The following DLGAP2 variants were observed in gnomAD, a reference collection of about 807,000 sequenced individuals.
DLGAP2 encodes the protein disks large-associated protein 2.
A neutral mutation model predicts 100.3 loss-of-function variants in DLGAP2; 26 were observed. The ratio of observed to expected loss-of-function variants is 0.26; its 90% confidence interval spans 0.19 to 0.36. DLGAP2 has a LOEUF of 0.36. DLGAP2 is among the 10% of genes least tolerant of loss of function. DLGAP2 has a pLI of 1.00. For missense variants in DLGAP2, 1,858 were observed against 1,453.2 expected (o/e 1.28, Z -4.53); for synonymous variants, 886 against 630.1 (o/e 1.41, Z -6.08).
At chr8:1,684,498 C>G (rs1158710682) in intron 12 of DLGAP2, among the ~76,000 whole-genome samples, 1 of 151,986 alleles carries the variant, frequency 6.6e-6, no homozygotes, top group East Asian at 1.9e-4. Flanking sequence ...ACTCTGATCT[C>G]TGAATATTGA....
At chr8:1,496,377 G>A (rs1463953434) in intron 3 of DLGAP2, among the ~76,000 whole-genome samples, 6 of 152,078 alleles carry the variant, frequency 3.9e-5, no homozygotes, top group Admixed American at 2.6e-4. Flanking sequence ...CTGAGTATGC[G>A]CTCTGCCTCT....
intron 1 of DLGAP2, among the ~76,000 whole-genome samples, chr8:791,250 T>C (rs1822019127): frequency 6.6e-6 from 1 of 152,232 alleles, no homozygotes; most frequent in South Asian, 2.1e-4. Flanking sequence ...TCCACCATGT[T>C]TTCTGAGTGA....
intron 1 of DLGAP2, among the ~76,000 whole-genome samples, chr8:859,459 G>A (rs1797348034): frequency 6.6e-6 from 1 of 152,164 alleles, no homozygotes; most frequent in Non-Finnish European, 1.5e-5. Flanking sequence ...GTTTAGGGAA[G>A]AGAGGGTGCC....
At chr8:849,025 A>G (rs1171044744) in intron 1 of DLGAP2, among the ~76,000 whole-genome samples, 4 of 149,402 alleles carry the variant, frequency 2.7e-5, no homozygotes, top group East Asian at 4.1e-4. Context: ...CCAGTATAGG[A>G]ATGTGCGGTG....
chr8:1,080,585 A>C (rs998035337), intron 2 of DLGAP2, among the ~76,000 whole-genome samples: 6 of 152,138 alleles, frequency 3.9e-5, no homozygotes, highest in African/African-American at 1.2e-4. Context: ...GCAGGGACAC[A>C]GAGCTCCTAG....
chr8:1,221,849 C>G (rs1002252295), intron 2 of DLGAP2, among the ~76,000 whole-genome samples: 6 of 152,144 alleles, frequency 3.9e-5, no homozygotes, highest in African/African-American at 1.4e-4. Context: ...AAGGAGTGGT[C>G]TTTGAGCTCA....
chr8:1,468,235 G>A (rs887210693), intron 3 of DLGAP2, among the ~76,000 whole-genome samples: 7 of 150,650 alleles, frequency 4.6e-5, no homozygotes, highest in Non-Finnish European at 8.9e-5. Context: ...AGCCTCGGTC[G>A]GTTCTGAGAA....
At chr8:1,095,309 A>G (rs1178106391) in intron 2 of DLGAP2, among the ~76,000 whole-genome samples, 1 of 152,044 alleles carries the variant, frequency 6.6e-6, no homozygotes, top group Non-Finnish European at 1.5e-5. Context: ...AATCTGCAGA[A>G]CCGCTCTCTC....
At chr8:1,591,129 C>T (rs1340584485) in intron 6 of DLGAP2, among the ~76,000 whole-genome samples, 2 of 152,336 alleles carry the variant, frequency 1.3e-5, no homozygotes, top group African/African-American at 2.4e-5. Flanking sequence ...CCCATGAAGA[C>T]ACCAGCCCTT....
intron 2 of DLGAP2, among the ~76,000 whole-genome samples, chr8:1,212,782 G>T (rs1232131561): frequency 1.0e-5 from 1 of 99,340 alleles, no homozygotes; most frequent in Non-Finnish European, 1.9e-5. Flanking sequence ...CACCCCCCAT[G>T]ATTAGCATTT....
chr8:1,671,441 G>A (rs62483123), intron 10 of DLGAP2, among the ~76,000 whole-genome samples: 1 of 152,052 alleles, frequency 6.6e-6, no homozygotes, highest in African/African-American at 2.4e-5. Context: ...AATGAACAGC[G>A]TCCACGTCAC....
At chr8:843,683 G>A (rs67646850) in intron 1 of DLGAP2, among the ~76,000 whole-genome samples, 16,521 of 152,238 alleles carry the variant, frequency 0.11, 1,486 homozygotes, top group East Asian at 0.52. Context: ...GTTGCTTTGT[G>A]TGATGTGATG....
chr8:737,911 G>C, intron 1 of DLGAP2, 86 bp downstream of exon 1: 1 of 363,070 alleles, frequency 2.8e-6, no homozygotes, highest in Non-Finnish European at 4.9e-6. Flanking sequence ...TCGGACCCGC[G>C]GGGACGCCCC....
At chr8:936,233 C>A (rs1281401840) in intron 2 of DLGAP2, among the ~76,000 whole-genome samples, 1 of 152,118 alleles carries the variant, frequency 6.6e-6, no homozygotes, top group Non-Finnish European at 1.5e-5. Flanking sequence ...AGGGCCAGAG[C>A]AAGCAGCCTT....
In DLGAP2 at chr8:862,639, C is replaced by A. The variant is rs77351895; in HGVS notation, c.19-45273C>A. Among the ~76,000 whole-genome samples, 710 of 152,250 alleles carry A rather than the reference C, an allele frequency of 4.7e-3. 40 individuals are homozygous for A. The East Asian group carries it at 0.12, about 25-fold the overall frequency. ...AAATAACTGTGTGATCCTGGGAAAACCTCTTGACTCCACCATAGCCTCAGT... is the reference window on the plus strand; with the variant it reads ...AAATAACTGTGTGATCCTGGGAAAAACTCTTGACTCCACCATAGCCTCAGT... On this transcript the variant is annotated intron_variant, in intron 1 of 14. Coordinates refer to ENST00000637795, the MANE Select transcript of DLGAP2 (RefSeq NM_001346810.2).
chr8:851,239 G>C (rs1797177513), intron 1 of DLGAP2, among the ~76,000 whole-genome samples: 1 of 152,222 alleles, frequency 6.6e-6, no homozygotes, highest in African/African-American at 2.4e-5. Flanking sequence ...ATTCAACCCA[G>C]GGGTGTGGTA....
intron 2 of DLGAP2, among the ~76,000 whole-genome samples, chr8:1,128,486 C>T (rs866407591): frequency 6.6e-6 from 1 of 152,216 alleles, no homozygotes; most frequent in South Asian, 2.1e-4. Flanking sequence ...CACTGTGTTC[C>T]AGCTGCCTGC....
chr8:1,678,896 G>A (rs1490145442), intron 12 of DLGAP2: 8 of 393,008 alleles, frequency 2.0e-5, no homozygotes, highest in Non-Finnish European at 3.1e-5. Context: ...AGTTTTCTTG[G>A]GAGCATAGTT....
At chr8:1,442,898 A>C (rs1693973782) in intron 3 of DLGAP2, among the ~76,000 whole-genome samples, 1 of 152,262 alleles carries the variant, frequency 6.6e-6, no homozygotes, top group South Asian at 2.1e-4. Context: ...GAGTCTAGCT[A>C]TTTGTATGAC....
Sources: gnomAD v4.1 joint callset for allele counts (sites outside exome capture counted in the v4.1 genomes callset) on GRCh38, gnomAD v4.1.1 for gene constraint, MANE v1.5 for transcripts, NCBI Gene and HGNC (gene_info 2026-07-23, HGNC 2026-07-21) for gene names.